The following MTR variants were observed in gnomAD, a reference collection of about 807,000 sequenced individuals.
MTR encodes 5-methyltetrahydrofolate-homocysteine methyltransferase.
MTR carries 84 observed loss-of-function variants against 154.8 expected under a neutral mutation model. That is an observed-to-expected ratio of 0.54 (90% CI 0.45 to 0.65). The LOEUF (loss-of-function observed/expected upper bound fraction) is 0.65, where lower values mean the gene tolerates loss of function less well. Ranked by LOEUF, MTR falls within the 30% of genes least tolerant of loss-of-function variation. The pLI, the probability that MTR is intolerant of heterozygous loss-of-function variation, is 0.00. For missense variants in MTR, 1,275 were observed against 1,570.2 expected, an observed-to-expected ratio of 0.81 and a Z score of 3.18; for synonymous variants, 554 against 553.9, an observed-to-expected ratio of 1.00 and a Z score of 0.00.
intron 18 of MTR, among the ~76,000 whole-genome samples, chr1:236,854,309 C>T (rs1221366782): frequency 6.6e-6 from 1 of 152,208 alleles, no homozygotes; most frequent in Non-Finnish European, 1.5e-5. Context: ...CTCTCAGTTC[C>T]TTAAAAACAT....
At chr1:236,859,709 C>T (rs1011396593) in intron 18 of MTR, 124 bp from the exon 19 acceptor site, 21 of 748,162 alleles carry the variant, frequency 2.8e-5, no homozygotes, top group Non-Finnish European at 4.0e-5. Flanking sequence ...GGACAGTCTA[C>T]TAGGGGCTGG....
chr1:236,845,853 T>C (rs1663538960), intron 15 of MTR, among the ~76,000 whole-genome samples: 2 of 152,256 alleles, frequency 1.3e-5, no homozygotes, highest in Admixed American at 1.3e-4. Context: ...TTTCTGTTGA[T>C]TGAGTTCTCA....
intron 31 of MTR, among the ~76,000 whole-genome samples, chr1:236,896,718 G>A (rs907147379): frequency 6.6e-6 from 1 of 152,138 alleles, no homozygotes; most frequent in African/African-American, 2.4e-5. Context: ...GCAAATTAGG[G>A]CACCTGTAAC....
In MTR at chr1:236,893,876, G is replaced by A. The variant is rs370535307; in HGVS notation, c.3205-481G>A. ...ACATGGCAGGCAGCACATGGCCTGG[G>A]CATCGCTGACCCCAACAGTTTGTTG... is the stretch of plus-strand genomic sequence containing the variant. On this transcript the variant is annotated intron_variant, in intron 29 of 32. Coordinates refer to ENST00000366577, the MANE Select transcript of MTR (RefSeq NM_000254.3). Among the ~76,000 whole-genome samples, 4 of 152,174 alleles carry A rather than the reference G, an allele frequency of 2.6e-5. No individual in the cohort carries two copies. In the East Asian group the frequency reaches 5.8e-4, roughly 22 times the overall value.
At chr1:236,802,588 G>T (rs1000292614) in intron 1 of MTR, among the ~76,000 whole-genome samples, 1 of 152,010 alleles carries the variant, frequency 6.6e-6, no homozygotes, top group Non-Finnish European at 1.5e-5. Flanking sequence ...GGTGGAGAGG[G>T]TGTGAGTTTG....
At position 236,897,310 on chromosome 1, in the gene MTR, G is replaced by GCGCGCGCGCACA; in HGVS notation, c.3711+193_3711+194insGCGCGCGCACAC. On this transcript the variant is annotated intron_variant, in intron 32 of 32. Coordinates refer to ENST00000366577, the MANE Select transcript of MTR (RefSeq NM_000254.3). ...ACTTCTACATGCAAGCCACACACAC[G>GCGCGCGCGCACA]CACACACACACACACACACACACAC... Among the ~76,000 whole-genome samples, 1,281 of 128,666 alleles carry GCGCGCGCGCACA rather than the reference G, an allele frequency of 1.0e-2. 20 individuals carry two copies. Among genetic ancestry groups the GCGCGCGCGCACA allele is most frequent in the African/African-American group, 0.031 (1,122 of 36,424 alleles). 84.4% of individuals were successfully genotyped at this position (128,666 alleles called of 152,430 possible). A position where few individuals can be genotyped will look rare whatever the true frequency, so the allele number is the denominator to read the frequency against.
At chr1:236,804,405 C>A (rs886372375) in intron 2 of MTR, among the ~76,000 whole-genome samples, 2 of 152,156 alleles carry the variant, frequency 1.3e-5, no homozygotes, top group African/African-American at 4.8e-5. Context: ...TTCTAAGATA[C>A]AATTATCATT....
Position 236,897,798 on chromosome 1 carries a change from G to T in MTR, c.*154G>T, listed in dbSNP as rs548095858. 1.4e-6 allele frequency: 1 copy of T among 690,396 alleles called. No homozygotes were observed. Among genetic ancestry groups the T allele is most frequent in the Admixed American group, 2.6e-5 (1 of 38,940 alleles). The allele number at this position is 690,396 out of a possible 1,614,324, so 42.8% of individuals were successfully genotyped here. A position where few individuals can be genotyped will look rare whatever the true frequency, so the allele number is the denominator to read the frequency against. Reference sequence around the variant, plus strand: ...GAAGACTATTTAGTGGAACCTTGTAGAGGAGCAGGGTCTTCCTGCAGTGCC... The same window carrying T: ...GAAGACTATTTAGTGGAACCTTGTATAGGAGCAGGGTCTTCCTGCAGTGCC... On this transcript the variant is annotated 3_prime_UTR_variant, in exon 33 of 33. Coordinates refer to ENST00000366577, the MANE Select transcript of MTR (RefSeq NM_000254.3).
intron 1 of MTR, among the ~76,000 whole-genome samples, chr1:236,797,779 T>TGGTTC (rs1660476667): frequency 6.6e-6 from 1 of 151,902 alleles, no homozygotes; most frequent in Admixed American, 6.6e-5. Context: ...GCCAACATGG[T>TGGTTC]GAAACCCCAT....
intron 18 of MTR, among the ~76,000 whole-genome samples, chr1:236,855,514 C>T (rs1463375069): frequency 6.6e-6 from 1 of 152,078 alleles, no homozygotes; most frequent in Non-Finnish European, 1.5e-5. Flanking sequence ...TGTGGAATGA[C>T]CCGGGAGCTT....
chr1:236,855,702 A>T (rs1311218157), intron 18 of MTR, among the ~76,000 whole-genome samples: 4 of 152,218 alleles, frequency 2.6e-5, no homozygotes, highest in Non-Finnish European at 5.9e-5. Flanking sequence ...GAGTGGGAAG[A>T]AGTAGTTTTT....
At chr1:236,853,661 T>C (rs1477274372) in intron 18 of MTR, among the ~76,000 whole-genome samples, 3 of 152,242 alleles carry the variant, frequency 2.0e-5, no homozygotes, top group Admixed American at 6.5e-5. Context: ...ATAGCTGTTC[T>C]GGATTTTCTT....
chr1:236,797,288 AT>A (rs1381846722), intron 1 of MTR, among the ~76,000 whole-genome samples: 2 of 152,210 alleles, frequency 1.3e-5, no homozygotes, highest in Non-Finnish European at 2.9e-5. Flanking sequence ...TCTTAATGAA[AT>A]TTTAATGGAG....
chr1:236,893,371 A>G (rs188867943), intron 29 of MTR, among the ~76,000 whole-genome samples: 9 of 152,246 alleles, frequency 5.9e-5, no homozygotes, highest in African/African-American at 2.2e-4. Context: ...TTGGCCACTC[A>G]TTGATTAATT....
chr1:236,894,672 T>C (rs1666524479), intron 30 of MTR, 115 bp downstream of exon 30: 2 of 974,998 alleles, frequency 2.1e-6, no homozygotes, highest in Non-Finnish European at 3.1e-6. Flanking sequence ...TTTTTTTTTT[T>C]TCTTGAGATG....
At chr1:236,874,913 G>A in intron 24 of MTR, 67 bp downstream of exon 24, 1 of 1,553,084 alleles carries the variant, frequency 6.4e-7, no homozygotes, top group Non-Finnish European at 8.9e-7. Flanking sequence ...TGAAACAGTG[G>A]GAAACCTGTG....
chr1:236,889,864 A>AG (rs1666220304), intron 28 of MTR, among the ~76,000 whole-genome samples: 6 of 152,290 alleles, frequency 3.9e-5, no homozygotes, highest in Admixed American at 3.3e-4. Context: ...ACATGTGCCT[A>AG]TTTGGGGAAC....
chr1:236,885,025 T>TCCTG, intron 25 of MTR, 96 bp from the exon 26 acceptor site: 1 of 803,478 alleles, frequency 1.2e-6, no homozygotes, highest in Non-Finnish European at 2.2e-6. Flanking sequence ...GAAATGAAGT[T>TCCTG]AAGGAAGCCT....
Position 236,838,575 on chromosome 1 carries a change from C to A in MTR, c.1491C>A (p.Val497=). ...AAAAGTATGGAGCTGCTATGGTGGT[C>A]ATGGCTTTTGATGAAGAAGGACAGG... is the stretch of plus-strand genomic sequence containing the variant. ...KIKKYGAAMV[V]MAFDEEGQAT... is the part of the protein sequence containing the mutation. The change falls in exon 15 of 33, where the codon GTC becomes GTA. Residue 497 remains valine (V), a synonymous_variant. Transcript: ENST00000366577. The A allele has an allele frequency of 6.2e-7, 1 of 1,614,066 alleles. No homozygotes were observed. The highest frequency in any genetic ancestry group is 1.1e-5 in the South Asian group (1 of 91,032).
Sources: allele counts gnomAD v4.1 joint callset (sites outside exome capture counted in the v4.1 genomes callset), GRCh38; gene constraint gnomAD v4.1.1; transcripts MANE v1.5; gene names NCBI Gene and HGNC (gene_info 2026-07-23, HGNC 2026-07-21).